The following KNTC1 variants were observed in gnomAD, a reference collection of about 807,000 sequenced individuals.
KNTC1 encodes the protein kinetochore associated 1.
In KNTC1, 253 loss-of-function variants were observed where a neutral mutation model predicts 314.4. The ratio of observed to expected loss-of-function variants is 0.80; its 90% CI spans 0.73 to 0.89. The LOEUF (loss-of-function observed/expected upper bound fraction) is 0.89, where lower values mean the gene tolerates loss of function less well. Among genes scored for constraint, KNTC1 ranks in the 40% least tolerant of loss-of-function variants. The pLI is 0.00. For synonymous variants in KNTC1, 901 were observed against 901.4 expected, an observed-to-expected ratio of 1.00 and a Z score of 0.01; for missense variants, 2,475 against 2,572.9, an observed-to-expected ratio of 0.96 and a Z score of 0.82.
At chr12:122,546,075 T>C in intron 8 of KNTC1, 101 bp from the exon 9 acceptor site, 2 of 699,532 alleles carry the variant, frequency 2.9e-6, no homozygotes, top group Non-Finnish European at 5.0e-6. Flanking sequence ...GTAAATATAT[T>C]TTAAAATTAG....
chr12:122,554,076 A>ATATATATATATATATATAT (rs1555224817), intron 16 of KNTC1, among the ~76,000 whole-genome samples: 18 of 109,042 alleles, frequency 1.7e-4, no homozygotes, highest in African/African-American at 6.2e-4. Context: ...AAAAAAAAAA[A>ATATATATATATATATATAT]ATATATATAT....
Position 122,603,072 on chromosome 12 carries a change from G to GA in KNTC1, c.4938dup (p.Leu1647ThrfsTer12). On this transcript the variant is annotated frameshift_variant, in exon 48 of 64. Coordinates refer to ENST00000333479, the MANE Select transcript of KNTC1 (RefSeq NM_014708.6). LOFTEE classifies it high-confidence loss of function. ...CGTGTCTACAGCAAAACACGTTTTC[G>GA]AAAAAAAACTGAAGCCAAAGCTCCT... The GA allele has an allele frequency of 1.2e-6, 2 of 1,612,694 alleles. No homozygotes were observed. The highest frequency in any genetic ancestry group is 8.5e-7 in the Non-Finnish European group (1 of 1,179,486).
intron 16 of KNTC1, 37 bp from the exon 17 acceptor site, chr12:122,557,347 A>G: frequency 6.3e-7 from 1 of 1,590,990 alleles, no homozygotes. Context: ...GTATTATTGT[A>G]CTTCAAATTG....
At chr12:122,562,440 TG>T (rs1433874480) in intron 19 of KNTC1, among the ~76,000 whole-genome samples, 197 bp from the exon 20 acceptor site, 1,314 of 5,194 alleles carry the variant, frequency 0.25, 24 homozygotes, top group African/African-American at 0.27. Context: ...TCCCATGTTT[TG>T]TGTGTGTGTG....
chr12:122,545,980 G>T (rs1056342950), intron 8 of KNTC1, among the ~76,000 whole-genome samples, 196 bp from the exon 9 acceptor site: 2 of 151,384 alleles, frequency 1.3e-5, no homozygotes, highest in Non-Finnish European at 2.9e-5. Flanking sequence ...TAATAACCAT[G>T]AATTCCAATA....
intron 51 of KNTC1, 51 bp downstream of exon 51, chr12:122,605,466 T>G: frequency 1.2e-6 from 1 of 865,552 alleles, no homozygotes; most frequent in Non-Finnish European, 1.9e-6. Flanking sequence ...CACTGATGGC[T>G]TCTTCTCAAA....
At chr12:122,571,279 T>C (rs1311893154) in intron 24 of KNTC1, among the ~76,000 whole-genome samples, 153 bp downstream of exon 24, 2 of 152,158 alleles carry the variant, frequency 1.3e-5, no homozygotes, top group African/African-American at 4.8e-5. Flanking sequence ...CAAATCCATA[T>C]GTAGGAAAAT....
chr12:122,584,781 A>G (rs1422288796), intron 35 of KNTC1, 112 bp from the exon 36 acceptor site: 13 of 644,290 alleles, frequency 2.0e-5, no homozygotes, highest in Non-Finnish European at 3.4e-5. Context: ...GAACCTTTCT[A>G]TCTACATTGT....
intron 52 of KNTC1, among the ~76,000 whole-genome samples, chr12:122,610,317 A>G (rs1378998059): frequency 2.0e-5 from 3 of 152,206 alleles, no homozygotes; most frequent in Non-Finnish European, 4.4e-5. Flanking sequence ...AAATCCCAAA[A>G]GGCTACTTAA....
rs752409914 is a variant in KNTC1, at chr12:122,620,474, C to T, written c.6150-5C>T. 72 of 1,610,880 alleles carry T rather than the reference C, an allele frequency of 4.5e-5. No homozygotes were observed. In the South Asian group the frequency reaches 6.1e-4, roughly 14 times the overall value. ...TTATTAACTAATTAATGTTCTCTCTCGAAGATGTCCAGTCTCAGGTGATCT... is the reference window on the plus strand; with the variant it reads ...TTATTAACTAATTAATGTTCTCTCTTGAAGATGTCCAGTCTCAGGTGATCT... On this transcript the variant is annotated splice_region_variant and splice_polypyrimidine_tract_variant and intron_variant, in intron 59 of 63. Transcript: ENST00000333479.
chr12:122,577,831 T>C, intron 31 of KNTC1, 40 bp downstream of exon 31: 1 of 1,552,732 alleles, frequency 6.4e-7, no homozygotes. Flanking sequence ...AAATCCAATT[T>C]TTATGGCTAT....
chr12:122,572,401 AAAAAAAG>A (rs1228078008), intron 24 of KNTC1, among the ~76,000 whole-genome samples: 1 of 151,676 alleles, frequency 6.6e-6, no homozygotes, highest in African/African-American at 2.4e-5. Flanking sequence ...TCCCCCCCAA[AAAAAAAG>A]AAAAAAGGAA....
At chr12:122,575,395 A>C in intron 27 of KNTC1, 148 bp from the exon 28 acceptor site, 1 of 622,860 alleles carries the variant, frequency 1.6e-6, no homozygotes, top group Non-Finnish European at 2.9e-6. Context: ...GTGAAAACTG[A>C]AGAAATAAAT....
intron 6 of KNTC1, 143 bp from the exon 7 acceptor site, chr12:122,543,457 A>T (rs1188752529): frequency 1.8e-5 from 11 of 604,932 alleles, no homozygotes; most frequent in Admixed American, 1.0e-4. Context: ...CAGTTAGCGT[A>T]TTTTGGTCAG....
At chr12:122,597,018 C>T (rs1326777887) in intron 43 of KNTC1, among the ~76,000 whole-genome samples, 1 of 151,746 alleles carries the variant, frequency 6.6e-6, no homozygotes, top group Non-Finnish European at 1.5e-5. Flanking sequence ...ATTTTTTCTA[C>T]TTTTTTGATG....
intron 36 of KNTC1, 131 bp downstream of exon 36, chr12:122,585,121 T>G (rs1869051783): frequency 1.6e-6 from 1 of 620,406 alleles, no homozygotes; most frequent in South Asian, 2.0e-5. Flanking sequence ...TACTGCAGTC[T>G]TGAACTGGGC....
At chr12:122,572,317 A>G (rs1253133103) in intron 24 of KNTC1, among the ~76,000 whole-genome samples, 1 of 151,928 alleles carries the variant, frequency 6.6e-6, no homozygotes, top group Non-Finnish European at 1.5e-5. Context: ...ATCGCTTGAA[A>G]CGGGGAGGCA....
chr12:122,606,760 A>G (rs966024986), intron 51 of KNTC1, among the ~76,000 whole-genome samples: 1 of 151,862 alleles, frequency 6.6e-6, no homozygotes, highest in African/African-American at 2.4e-5. Flanking sequence ...TATTTGCTTC[A>G]TCTCTCCTCT....
intron 59 of KNTC1, among the ~76,000 whole-genome samples, chr12:122,618,855 G>A (rs1408593536): frequency 1.3e-5 from 2 of 151,372 alleles, no homozygotes; most frequent in Non-Finnish European, 2.9e-5. Flanking sequence ...TTTTAGTAGA[G>A]ATGGAATTTC....
Sources: allele counts gnomAD v4.1 joint callset (sites outside exome capture counted in the v4.1 genomes callset), GRCh38; gene constraint gnomAD v4.1.1; transcripts MANE v1.5; gene names NCBI Gene and HGNC (gene_info 2026-07-23, HGNC 2026-07-21).